Variants in ZMYND11 observed in about 807,000 individuals in gnomAD.
ZMYND11 encodes zinc finger MYND domain-containing protein 11.
ZMYND11 carries 9 observed loss-of-function variants against 84.9 expected under a neutral mutation model. The observed-to-expected ratio is 0.11, with a 90% CI of 0.06 to 0.18. The LOEUF (loss-of-function observed/expected upper bound fraction) is 0.18, where lower values mean the gene tolerates loss of function less well. Ranked by LOEUF, ZMYND11 falls within the 10% of genes least tolerant of loss-of-function variation. ZMYND11 has a pLI of 1.00. For synonymous variants in ZMYND11, 250 were observed against 244.1 expected, an observed-to-expected ratio of 1.02 and a Z score of -0.23; for missense variants, 409 against 761.0, an observed-to-expected ratio of 0.54 and a Z score of 5.44.
intron 4 of ZMYND11, among the ~76,000 whole-genome samples, chr10:222,631 C>T (rs1162002734): frequency 2.6e-5 from 4 of 151,822 alleles, no homozygotes; most frequent in African/African-American, 4.8e-5. Context: ...TTCGATTGTA[C>T]ATTTTAAAAG....
rs781811960 is a variant in ZMYND11 at position 140,399 on chromosome 10, CAT to C, written c.-20+4842_-20+4843del. ...GTTACTGTTTTTCCATTAGAAAATC[CAT>C]AGAGTTATTTAGTTTGTATCATGGA... On this transcript the variant is annotated intron_variant, in intron 1 of 14. Transcript: ENST00000381604. Among the ~76,000 whole-genome samples the C allele has an allele frequency of 2.0e-5, 3 of 152,186 alleles. No individual in the cohort carries two copies. In the South Asian group the frequency reaches 6.2e-4, roughly 32 times the overall value.
intron 1 of ZMYND11, among the ~76,000 whole-genome samples, chr10:167,077 G>T (rs191332880): frequency 1.3e-5 from 2 of 152,242 alleles, no homozygotes; most frequent in African/African-American, 4.8e-5. Flanking sequence ...GATGCTAGGG[G>T]CTTGGAAGAG....
chr10:202,675 CTG>C (rs1020311698), intron 2 of ZMYND11, among the ~76,000 whole-genome samples: 1 of 152,212 alleles, frequency 6.6e-6, no homozygotes, highest in Non-Finnish European at 1.5e-5. Flanking sequence ...TGACCTTCAT[CTG>C]TGAAAGGGCT....
chr10:214,314 C>T (rs1008764912), intron 3 of ZMYND11, among the ~76,000 whole-genome samples: 4 of 152,102 alleles, frequency 2.6e-5, no homozygotes, highest in Non-Finnish European at 5.9e-5. Flanking sequence ...CAGAAGTATA[C>T]GTACTGAGGA....
intron 2 of ZMYND11, among the ~76,000 whole-genome samples, chr10:202,429 C>T (rs912745728): frequency 6.6e-6 from 1 of 152,074 alleles, no homozygotes; most frequent in Non-Finnish European, 1.5e-5. Context: ...TATTTCTTGA[C>T]ACAACCATTA....
At chr10:181,912 A>C (rs1297654516) in intron 2 of ZMYND11, among the ~76,000 whole-genome samples, 6 of 152,186 alleles carry the variant, frequency 3.9e-5, no homozygotes, top group Non-Finnish European at 7.4e-5. Context: ...TTTTAAAAAA[A>C]CTCAGAGTAC....
At chr10:165,196 A>T (rs1843710921) in intron 1 of ZMYND11, among the ~76,000 whole-genome samples, 1 of 152,070 alleles carries the variant, frequency 6.6e-6, no homozygotes, top group African/African-American at 2.4e-5. Context: ...GTCACCAGTG[A>T]CCAACATATT....
intron 2 of ZMYND11, among the ~76,000 whole-genome samples, chr10:188,367 G>C (rs1385431803): frequency 1.3e-5 from 2 of 151,648 alleles, no homozygotes; most frequent in Admixed American, 1.3e-4. Context: ...CAGGTGGATC[G>C]CTTGAGCTCA....
chr10:231,880 C>T (rs1949068838), intron 4 of ZMYND11, among the ~76,000 whole-genome samples: 1 of 152,226 alleles, frequency 6.6e-6, no homozygotes, highest in Admixed American at 6.5e-5. Context: ...AATACAACAA[C>T]TTTGCCATCT....
At chr10:203,883 A>AT in intron 2 of ZMYND11, among the ~76,000 whole-genome samples, 1 of 152,224 alleles carries the variant, frequency 6.6e-6, no homozygotes, top group African/African-American at 2.4e-5. Context: ...TTATACCACG[A>AT]TTTTTTTAAA....
intron 3 of ZMYND11, among the ~76,000 whole-genome samples, chr10:220,914 A>T (rs949412602): frequency 1.3e-5 from 2 of 152,222 alleles, no homozygotes; most frequent in Non-Finnish European, 1.5e-5. Context: ...AAAATGAAAG[A>T]TAACATTAGA....
intron 1 of ZMYND11, among the ~76,000 whole-genome samples, chr10:137,077 C>T (rs1240660242): frequency 1.3e-5 from 2 of 152,048 alleles, no homozygotes; most frequent in Non-Finnish European, 2.9e-5. Flanking sequence ...ATATGCCATG[C>T]ATATATGGTA....
intron 4 of ZMYND11, among the ~76,000 whole-genome samples, chr10:222,817 GTATTTAA>G (rs1419565878): frequency 6.6e-6 from 1 of 151,910 alleles, no homozygotes; most frequent in Non-Finnish European, 1.5e-5. Context: ...TTGCTCTTTT[GTATTTAA>G]TATTTAATTC....
chr10:141,873 T>A (rs1409854084), intron 1 of ZMYND11, among the ~76,000 whole-genome samples: 1 of 152,228 alleles, frequency 6.6e-6, no homozygotes, highest in Non-Finnish European at 1.5e-5. Context: ...TATTAAAAAA[T>A]TCAAAGGATT....
chr10:250,562 C>G (rs569531379), intron 14 of ZMYND11, among the ~76,000 whole-genome samples: 53 of 152,206 alleles, frequency 3.5e-4, no homozygotes, highest in African/African-American at 1.2e-3. Flanking sequence ...GAAGAAGAGG[C>G]TATAATTATA....
At chr10:163,057 G>A (rs191866063) in intron 1 of ZMYND11, among the ~76,000 whole-genome samples, 2 of 152,274 alleles carry the variant, frequency 1.3e-5, no homozygotes, top group Admixed American at 1.3e-4. Flanking sequence ...GAGAAAAGGT[G>A]CATAAATTTT....
chr10:165,287 C>T (rs1843731274), intron 1 of ZMYND11, among the ~76,000 whole-genome samples: 1 of 152,104 alleles, frequency 6.6e-6, no homozygotes, highest in Non-Finnish European at 1.5e-5. Flanking sequence ...ATCTTGCCTT[C>T]ACTGGACTTC....
chr10:247,263 G>A (rs760256173), intron 11 of ZMYND11, 135 bp from the exon 12 acceptor site: 26 of 1,036,380 alleles, frequency 2.5e-5, no homozygotes, highest in Non-Finnish European at 3.7e-5. Context: ...TTAAGTCAGT[G>A]GTAACTGAGT....
intron 1 of ZMYND11, among the ~76,000 whole-genome samples, chr10:163,751 A>G (rs556942097): frequency 2.5e-4 from 38 of 152,184 alleles, no homozygotes; most frequent in African/African-American, 8.9e-4. Context: ...ATACCTGGTT[A>G]TCTGTGGCTG....
Sources: allele counts gnomAD v4.1 joint callset (sites outside exome capture counted in the v4.1 genomes callset), GRCh38; gene constraint gnomAD v4.1.1; transcripts MANE v1.5; gene names NCBI Gene and HGNC (gene_info 2026-07-23, HGNC 2026-07-21).